The following DDX60 variants were observed in gnomAD, a reference collection of about 807,000 sequenced individuals.
DDX60 encodes DExD/H-box helicase 60.
In DDX60, 165 loss-of-function variants were observed where a neutral mutation model predicts 212.8. The observed-to-expected ratio is 0.78, with a 90% CI of 0.68 to 0.88. The LOEUF (loss-of-function observed/expected upper bound fraction) is 0.88, where lower values mean the gene tolerates loss of function less well. Ranked by LOEUF, DDX60 falls within the 40% of genes least tolerant of loss-of-function variation. DDX60 has a pLI of 0.00. For synonymous variants in DDX60, 703 were observed against 685.3 expected (o/e 1.03, Z -0.40); for missense variants, 1,905 against 2,003.9 (o/e 0.95, Z 0.94).
intron 6 of DDX60, among the ~76,000 whole-genome samples, chr4:168,297,294 AG>A (rs554618096): frequency 1.9e-4 from 25 of 129,734 alleles, no homozygotes; most frequent in African/African-American, 8.1e-4. Context: ...AGAGAGAGAG[AG>A]ACGAAAGAAA....
Position 168,217,027 on chromosome 4 carries a change from G to C in DDX60, c.5045C>G (p.Ser1682Cys). ...FALTIKSISV[S>C]LRELCENEDD... ...TTCATTTTCACATAGCTCACGCAAG[G>C]AAACACTGGAAATGGGGAAAAAAAT... The change falls in exon 38 of 38, where the codon TCC (serine) becomes TGC (cysteine). Residue 1682 changes from serine to cysteine, a missense_variant. Transcript: ENST00000393743. 6.2e-7 allele frequency: 1 copy of C among 1,601,352 alleles called. No homozygotes were observed. Among genetic ancestry groups the C allele is most frequent in the Non-Finnish European group, 8.5e-7 (1 of 1,175,034 alleles).
At chr4:168,319,022 A>T (rs184611495), upstream of DDX60, among the ~76,000 whole-genome samples, 25 of 152,352 alleles carry the variant, frequency 1.6e-4, no homozygotes, top group East Asian at 4.6e-3. Flanking sequence ...ACAATAATGC[A>T]TATTTCAAAA....
chr4:168,306,211 A>T (rs1232033511), intron 5 of DDX60, among the ~76,000 whole-genome samples, 168 bp downstream of exon 5: 1 of 152,252 alleles, frequency 6.6e-6, no homozygotes, highest in Non-Finnish European at 1.5e-5. Flanking sequence ...TAAGTGTTTG[A>T]TAAATGACTG....
chr4:168,224,477 G>C (rs1733179593), intron 34 of DDX60, 92 bp from the exon 35 acceptor site: 1 of 1,257,722 alleles, frequency 8.0e-7, no homozygotes, highest in African/African-American at 1.5e-5. Context: ...TACAAGGGGA[G>C]CCATTCAGCT....
At chr4:168,262,491 A>G (rs1190536453) in intron 23 of DDX60, among the ~76,000 whole-genome samples, 192 bp downstream of exon 23, 2 of 152,124 alleles carry the variant, frequency 1.3e-5, no homozygotes, top group Non-Finnish European at 2.9e-5. Flanking sequence ...ATTCTCAGGA[A>G]TTAAATAAAA....
intron 23 of DDX60, 63 bp from the exon 24 acceptor site, chr4:168,262,191 A>G (rs943453881): frequency 6.6e-7 from 1 of 1,518,020 alleles, no homozygotes; most frequent in African/African-American, 1.4e-5. Context: ...GTATTTCTCA[A>G]TTATATGCCT....
intron 36 of DDX60, 42 bp from the exon 37 acceptor site, chr4:168,220,759 T>A: frequency 9.7e-7 from 1 of 1,032,094 alleles, no homozygotes; most frequent in Non-Finnish European, 1.3e-6. Context: ...TACAAAACAT[T>A]AAAGAACATC....
chr4:168,310,950 G>T, intron 3 of DDX60, 48 bp downstream of exon 3: 1 of 1,138,344 alleles, frequency 8.8e-7, no homozygotes, highest in East Asian at 2.4e-5. Flanking sequence ...AGACATACAG[G>T]GAACATGAGC....
chr4:168,220,634 A>T, intron 37 of DDX60, 21 bp downstream of exon 37: 2 of 1,247,174 alleles, frequency 1.6e-6, no homozygotes, highest in Non-Finnish European at 2.2e-6. Context: ...TCTAAAATCA[A>T]TATTTAAATA....
chr4:168,237,622 G>T (rs1733674885), intron 31 of DDX60, 69 bp downstream of exon 31: 4 of 1,372,644 alleles, frequency 2.9e-6, no homozygotes, highest in Non-Finnish European at 4.1e-6. Flanking sequence ...GCTACAATTT[G>T]TTCAGCATGA....
At chr4:168,264,037 A>G (rs943073932) in intron 22 of DDX60, among the ~76,000 whole-genome samples, 2 of 152,150 alleles carry the variant, frequency 1.3e-5, no homozygotes, top group Admixed American at 1.3e-4. Context: ...TATGTTTTAA[A>G]ATTCAGGCTT....
intron 30 of DDX60, among the ~76,000 whole-genome samples, chr4:168,241,766 A>G (rs1236246191): frequency 6.6e-6 from 1 of 152,154 alleles, no homozygotes; most frequent in African/African-American, 2.4e-5. Flanking sequence ...TGAAAATCCC[A>G]TTTTCTGAGG....
At chr4:168,236,819 T>C (rs760307439) in intron 32 of DDX60, among the ~76,000 whole-genome samples, 3 of 151,816 alleles carry the variant, frequency 2.0e-5, no homozygotes, top group African/African-American at 7.2e-5. Context: ...ATTAGCTATT[T>C]AGGTATACTA....
intron 8 of DDX60, 28 bp from the exon 9 acceptor site, chr4:168,288,343 T>C (rs780288334): frequency 7.0e-7 from 1 of 1,418,528 alleles, no homozygotes; most frequent in South Asian, 1.3e-5. Flanking sequence ...AACCAAGTTA[T>C]TGGCAATATT....
upstream of DDX60, among the ~76,000 whole-genome samples, chr4:168,320,805 T>C (rs75048675): frequency 0.02 from 3,116 of 152,294 alleles, 109 homozygotes; most frequent in African/African-American, 0.071. Context: ...ATGATTTCTG[T>C]CATTCTGTAG....
At chr4:168,236,537 T>G (rs1733637472) in intron 32 of DDX60, among the ~76,000 whole-genome samples, 164 bp from the exon 33 acceptor site, 1 of 152,044 alleles carries the variant, frequency 6.6e-6, no homozygotes, top group East Asian at 1.9e-4. Context: ...TTTTTATCTG[T>G]GCCTTCTTTT....
the DDX60 span, among the ~76,000 whole-genome samples, chr4:168,324,675 C>G: frequency 6.6e-6 from 1 of 152,202 alleles, no homozygotes; most frequent in Non-Finnish European, 1.5e-5. Flanking sequence ...GTCCTCAGTT[C>G]GCCAAATAAT....
intron 33 of DDX60, 123 bp from the exon 34 acceptor site, chr4:168,225,799 C>A: frequency 1.2e-6 from 1 of 856,630 alleles, no homozygotes; most frequent in Non-Finnish European, 1.7e-6. Context: ...AATATTTATT[C>A]AATAATGTCA....
At chr4:168,321,948 A>C (rs900900828), upstream of DDX60, among the ~76,000 whole-genome samples, 2 of 152,226 alleles carry the variant, frequency 1.3e-5, no homozygotes, top group Non-Finnish European at 2.9e-5. Flanking sequence ...AAGAAAAATG[A>C]TGTCATGCCC....
Sources: allele counts gnomAD v4.1 joint callset (sites outside exome capture counted in the v4.1 genomes callset), GRCh38; gene constraint gnomAD v4.1.1; transcripts MANE v1.5; gene names NCBI Gene and HGNC (gene_info 2026-07-23, HGNC 2026-07-21).